NOP58: variants seen among roughly 807,000 people sequenced by gnomAD.
The protein encoded by NOP58 is nucleolar protein 58.
A neutral mutation model predicts 71.2 loss-of-function variants in NOP58; 44 were observed. That is an observed-to-expected ratio of 0.62 (90% CI 0.49 to 0.79). NOP58 has a LOEUF of 0.79. Among genes scored for constraint, NOP58 ranks in the 30% least tolerant of loss-of-function variants. The pLI is 0.00. For synonymous variants in NOP58, 228 were observed against 200.3 expected, an observed-to-expected ratio of 1.14 and a Z score of -1.17; for missense variants, 538 against 620.2, an observed-to-expected ratio of 0.87 and a Z score of 1.41.
chr2:202,271,772 G>A (rs1470770942), intron 1 of NOP58, among the ~76,000 whole-genome samples: 1 of 151,858 alleles, frequency 6.6e-6, no homozygotes, highest in East Asian at 1.9e-4. Flanking sequence ...GCAAGCCCCT[G>A]TCTCTACAAA....
chr2:202,276,500 C>A, intron 2 of NOP58: 1 of 515,136 alleles, frequency 1.9e-6, no homozygotes, highest in Non-Finnish European at 3.9e-6. Context: ...TTCGTCACTA[C>A]CACTGAGACA....
intron 1 of NOP58, among the ~76,000 whole-genome samples, chr2:202,271,014 G>T (rs925214281): frequency 6.6e-6 from 1 of 151,886 alleles, no homozygotes; most frequent in East Asian, 1.9e-4. Context: ...AACCAGGGAG[G>T]TGGAGGTTGC....
At chr2:202,292,653 T>G in intron 8 of NOP58, 124 bp from the exon 9 acceptor site, 1 of 714,448 alleles carries the variant, frequency 1.4e-6, no homozygotes, top group Admixed American at 2.6e-5. Context: ...GCATAGGTGA[T>G]GTACCCAGTA....
intron 9 of NOP58, 160 bp downstream of exon 9, chr2:202,293,063 G>T: frequency 1.2e-6 from 1 of 822,558 alleles, no homozygotes; most frequent in Non-Finnish European, 2.1e-6. Flanking sequence ...GTTCAATGAT[G>T]ATTTCTATTT....
chr2:202,271,072 A>T (rs1425299020), intron 1 of NOP58, among the ~76,000 whole-genome samples: 2 of 151,166 alleles, frequency 1.3e-5, no homozygotes, highest in Non-Finnish European at 3.0e-5. Flanking sequence ...TGACAGGGCG[A>T]GACACTGTCT....
At chr2:202,294,336 C>CA (rs1231907557) in intron 9 of NOP58, among the ~76,000 whole-genome samples, 18,958 of 71,028 alleles carry the variant, frequency 0.27, 2,041 homozygotes, top group Middle Eastern at 0.37. Context: ...AACTCCATCT[C>CA]AAAAAAAAAA....
At chr2:202,300,505 AT>A in intron 13 of NOP58, 138 bp downstream of exon 13, 2 of 647,744 alleles carry the variant, frequency 3.1e-6, no homozygotes, top group Non-Finnish European at 5.2e-6. Flanking sequence ...TAATAATGCC[AT>A]TATGTTCTCT....
Position 202,303,038 on chromosome 2 carries a change from G to C in NOP58, c.1520G>C (p.Cys507Ser). 6.2e-7 allele frequency: 1 copy of C among 1,612,042 alleles called. No individual in the cohort carries two copies. The highest frequency in any genetic ancestry group is 1.1e-5 in the South Asian group (1 of 90,832). Residue 507 changes from cysteine to serine, a missense_variant, in exon 14 of 15, where the codon TGT (cysteine) becomes TCT (serine). By Grantham distance (112) the Cys-to-Ser change is moderately radical. Coordinates refer to ENST00000264279, the MANE Select transcript of NOP58 (RefSeq NM_015934.5). Reference sequence around the variant, plus strand: ...GAACCACTTTCTGAGGAAGAACCATGTACCAGCACAGCAATTGCTGTATGT... The same window carrying C: ...GAACCACTTTCTGAGGAAGAACCATCTACCAGCACAGCAATTGCTGTATGT... ...KEEPLSEEEPCTSTAIASPEK... is the reference protein window; with the variant it reads ...KEEPLSEEEPSTSTAIASPEK...
intron 3 of NOP58, among the ~76,000 whole-genome samples, chr2:202,279,187 A>G (rs565045975): frequency 6.6e-6 from 1 of 152,228 alleles, no homozygotes; most frequent in South Asian, 2.1e-4. Context: ...CCTAGTCCTG[A>G]TCTCAAGTAG....
chr2:202,298,918 T>G (rs539644875), intron 12 of NOP58, among the ~76,000 whole-genome samples: 2 of 149,444 alleles, frequency 1.3e-5, no homozygotes, highest in Non-Finnish European at 3.0e-5. Flanking sequence ...ATTAACCCAA[T>G]AAATTATACT....
chr2:202,282,454 A>G lies in NOP58; in HGVS notation c.279A>G (p.Lys93=). 3.7e-6 allele frequency: 6 copies of G among 1,610,538 alleles called. No individual in the cohort carries two copies. Among genetic ancestry groups the G allele is most frequent in the East Asian group, 2.2e-5 (1 of 44,862 alleles). Residue 93 remains lysine, a synonymous_variant, in exon 4 of 15, where the codon AAA becomes AAG. Transcript: ENST00000264279. The stretch of plus-strand genomic sequence containing the variant: ...AACCGCTGGCAGTAGCTGATGCTAA[A>G]CTAGGAGGGGTCATAAAGGTAAAGT... ...AHEPLAVADA[K]LGGVIKEKLN...
At position 202,300,240 on chromosome 2, in the gene NOP58, G is replaced by C. The variant is rs1322136130; in HGVS notation, c.1275G>C (p.Val425=). The change falls in exon 13 of 15, where the codon GTG becomes GTC. Residue 425 remains valine (V), a synonymous_variant. Coordinates refer to ENST00000264279, the MANE Select transcript of NOP58 (RefSeq NM_015934.5). ...KTEKYEHKSE[V]KTYDPSGDST... is the part of the protein sequence containing the mutation. ...AACTTTTTGGGTCTTTCAGTGAAGT[G>C]AAGACTTACGATCCTTCTGGTGACT... The C allele has an allele frequency of 1.5e-5, 24 of 1,581,228 alleles. 1 individual carries two copies. In the East Asian group the frequency reaches 5.5e-4, roughly 36 times the overall value.
chr2:202,283,796 A>T (rs2105845371), intron 4 of NOP58, among the ~76,000 whole-genome samples: 1 of 152,266 alleles, frequency 6.6e-6, no homozygotes, highest in South Asian at 2.1e-4. Context: ...TCCTTAAACC[A>T]ACTACTTGGT....
intron 4 of NOP58, among the ~76,000 whole-genome samples, chr2:202,283,085 C>T (rs1261377830): frequency 1.3e-5 from 2 of 152,080 alleles, no homozygotes; most frequent in African/African-American, 2.4e-5. Context: ...TGGTGGCAGG[C>T]GCCTGTAGTC....
chr2:202,277,454 G>T (rs1457898586), intron 2 of NOP58, among the ~76,000 whole-genome samples: 4 of 151,820 alleles, frequency 2.6e-5, no homozygotes, highest in African/African-American at 9.7e-5. Flanking sequence ...CTCCAGCGTG[G>T]GTGACAGTGA....
intron 12 of NOP58, among the ~76,000 whole-genome samples, chr2:202,299,434 A>G (rs1689053042): frequency 6.6e-6 from 1 of 151,972 alleles, no homozygotes; most frequent in African/African-American, 2.4e-5. Flanking sequence ...CAAGCTTTCT[A>G]CAATAGCCAT....
chr2:202,299,085 G>A (rs887384515), intron 12 of NOP58, among the ~76,000 whole-genome samples: 1 of 147,584 alleles, frequency 6.8e-6, no homozygotes, highest in African/African-American at 2.5e-5. Context: ...TCAGCCTCCC[G>A]AGTAGCTAGG....
intron 3 of NOP58, 165 bp downstream of exon 3, chr2:202,278,167 G>A (rs1236066467): frequency 2.8e-6 from 2 of 721,896 alleles, no homozygotes; most frequent in Non-Finnish European, 5.2e-6. Flanking sequence ...TGACTCATTC[G>A]TCACTACCAC....
chr2:202,279,000 A>G (rs955514086), intron 3 of NOP58, among the ~76,000 whole-genome samples: 1 of 152,230 alleles, frequency 6.6e-6, no homozygotes, highest in Non-Finnish European at 1.5e-5. Flanking sequence ...AATTAGAGTT[A>G]TATACAGCCA....
Sources: gnomAD v4.1 joint callset for allele counts (sites outside exome capture counted in the v4.1 genomes callset) on GRCh38, gnomAD v4.1.1 for gene constraint, MANE v1.5 for transcripts, NCBI Gene and HGNC (gene_info 2026-07-23, HGNC 2026-07-21) for gene names.